The following ST18 variants were observed in gnomAD, a reference collection of about 807,000 sequenced individuals.
ST18 encodes ST18 C2H2C-type zinc finger transcription factor.
In ST18, 50 loss-of-function variants were observed where a neutral mutation model predicts 110.0. The observed-to-expected ratio is 0.45, with a 90% confidence interval of 0.36 to 0.58. The LOEUF (loss-of-function observed/expected upper bound fraction) is 0.58. ST18 is among the 20% of genes least tolerant of loss of function. The pLI, the probability that ST18 is intolerant of heterozygous loss-of-function variation, is 0.00. For synonymous variants in ST18, 461 were observed against 452.4 expected (o/e 1.02, Z -0.24); for missense variants, 1,306 against 1,280.1 (o/e 1.02, Z -0.31).
intron 2 of ST18, among the ~76,000 whole-genome samples, chr8:52,265,742 T>C (rs1335139443): frequency 6.6e-6 from 1 of 152,170 alleles, no homozygotes; most frequent in Non-Finnish European, 1.5e-5. Context: ...CTTGTAGCCA[T>C]GATAAAATTA....
At chr8:52,383,270 A>G (rs1406044873) in intron 2 of ST18, among the ~76,000 whole-genome samples, 1 of 152,186 alleles carries the variant, frequency 6.6e-6, no homozygotes, top group African/African-American at 2.4e-5. Context: ...AACAAATTCT[A>G]TCATTCTAAA....
intron 2 of ST18, among the ~76,000 whole-genome samples, chr8:52,329,380 G>A (rs1808088473): frequency 6.6e-6 from 1 of 151,954 alleles, no homozygotes; most frequent in Non-Finnish European, 1.5e-5. Flanking sequence ...ACAGCCTCCA[G>A]CAGATCCCAA....
intron 8 of ST18, among the ~76,000 whole-genome samples, chr8:52,207,314 A>T (rs1177104598): frequency 6.6e-6 from 1 of 152,160 alleles, no homozygotes; most frequent in Non-Finnish European, 1.5e-5. Context: ...ACATAGTGAG[A>T]ACCTCATCTG....
intron 8 of ST18, among the ~76,000 whole-genome samples, chr8:52,192,474 A>G (rs942973943): frequency 1.8e-4 from 28 of 152,170 alleles, no homozygotes; most frequent in Admixed American, 1.7e-3. Flanking sequence ...CAATCATAAG[A>G]TTCACTGATA....
intron 2 of ST18, among the ~76,000 whole-genome samples, chr8:52,269,012 T>C (rs2094979384): frequency 6.6e-6 from 1 of 152,220 alleles, no homozygotes; most frequent in Non-Finnish European, 1.5e-5. Context: ...TTCCTCAGTA[T>C]AGAATGCTGA....
At position 52,113,122 on chromosome 8, in the gene ST18, A is replaced by G; in HGVS notation, c.*76T>C. On this transcript the variant is annotated 3_prime_UTR_variant, in exon 26 of 26. Coordinates refer to ENST00000689386, the MANE Select transcript of ST18 (RefSeq NM_001352837.2). ...AGTACGGCAACCTCCACGCCTTAGC[A>G]GTACATGAACCTCTAACAGATCCAT... is the stretch of plus-strand genomic sequence containing the variant. The G allele has an allele frequency of 1.9e-6, 3 of 1,562,604 alleles. No individual in the cohort carries two copies. Among genetic ancestry groups the G allele is most frequent in the Non-Finnish European group, 2.6e-6 (3 of 1,151,560 alleles).
chr8:52,131,692 C>A (rs774989923), intron 22 of ST18, among the ~76,000 whole-genome samples: 1 of 152,122 alleles, frequency 6.6e-6, no homozygotes, highest in Non-Finnish European at 1.5e-5. Flanking sequence ...AAATAGCAGC[C>A]TAAGCAATAT....
At chr8:52,370,549 A>G (rs1397815743) in intron 2 of ST18, among the ~76,000 whole-genome samples, 1 of 152,200 alleles carries the variant, frequency 6.6e-6, no homozygotes. Flanking sequence ...CCACACATGC[A>G]TGTTTAAGCA....
chr8:52,205,526 A>C (rs1251449248), intron 8 of ST18, among the ~76,000 whole-genome samples: 2 of 152,122 alleles, frequency 1.3e-5, no homozygotes, highest in African/African-American at 2.4e-5. Flanking sequence ...AGGAAATGGT[A>C]GTAGTCTGTT....
At chr8:52,275,287 T>G (rs574062594) in intron 2 of ST18, among the ~76,000 whole-genome samples, 1 of 152,366 alleles carries the variant, frequency 6.6e-6, no homozygotes, top group Admixed American at 6.5e-5. Context: ...GTGACAACAC[T>G]GTCTTCTACT....
chr8:52,358,130 T>C (rs919923188), intron 2 of ST18, among the ~76,000 whole-genome samples: 1 of 151,934 alleles, frequency 6.6e-6, no homozygotes, highest in African/African-American at 2.4e-5. Context: ...AAATTACAAG[T>C]AAAGTTAGAA....
At chr8:52,220,135 T>G (rs928398222) in intron 5 of ST18, among the ~76,000 whole-genome samples, 9 of 152,130 alleles carry the variant, frequency 5.9e-5, no homozygotes, top group Non-Finnish European at 1.3e-4. Flanking sequence ...TATCCCCAGA[T>G]TAAAGAAAAC....
intron 2 of ST18, among the ~76,000 whole-genome samples, chr8:52,232,981 T>G (rs1191521928): frequency 6.6e-6 from 1 of 152,084 alleles, no homozygotes; most frequent in Non-Finnish European, 1.5e-5. Flanking sequence ...TTTAAAAGAA[T>G]CAGTGCCCCT....
At chr8:52,208,112 A>T (rs1222613375) in intron 8 of ST18, among the ~76,000 whole-genome samples, 1 of 152,234 alleles carries the variant, frequency 6.6e-6, no homozygotes, top group Non-Finnish European at 1.5e-5. Flanking sequence ...GACATCGAGT[A>T]TAATAAGAAG....
chr8:52,282,878 G>A (rs545247956), intron 2 of ST18, among the ~76,000 whole-genome samples: 69 of 152,220 alleles, frequency 4.5e-4, no homozygotes, highest in African/African-American at 1.6e-3. Context: ...TAAGGAATTG[G>A]CTTTCTCACC....
At chr8:52,257,224 C>A (rs28792502) in intron 2 of ST18, among the ~76,000 whole-genome samples, 49,621 of 152,126 alleles carry the variant, frequency 0.33, 8,556 homozygotes, top group Middle Eastern at 0.46. Flanking sequence ...GACACTTATA[C>A]ATAAGGCTAC....
intron 22 of ST18, among the ~76,000 whole-genome samples, chr8:52,127,586 C>T (rs7822841): frequency 1.3e-5 from 2 of 152,042 alleles, no homozygotes; most frequent in Non-Finnish European, 2.9e-5. Context: ...GAACTTCTCT[C>T]ATCCTCACCC....
chr8:52,205,548 AT>A (rs941095926), intron 8 of ST18, among the ~76,000 whole-genome samples: 39 of 152,184 alleles, frequency 2.6e-4, no homozygotes, highest in African/African-American at 9.1e-4. Flanking sequence ...TTTTAAAAAA[AT>A]TTTTTTAATT....
intron 15 of ST18, chr8:52,154,259 C>G (rs908451876): frequency 6.6e-6 from 1 of 152,202 alleles, no homozygotes; most frequent in Non-Finnish European, 1.5e-5. Flanking sequence ...CTTCCTGATA[C>G]CAGGCGGCAA....
Sources: allele counts gnomAD v4.1 joint callset (sites outside exome capture counted in the v4.1 genomes callset), GRCh38; gene constraint gnomAD v4.1.1; transcripts MANE v1.5; gene names NCBI Gene and HGNC (gene_info 2026-07-23, HGNC 2026-07-21).